Variants in PALLD observed in about 807,000 individuals in gnomAD.
PALLD encodes the protein palladin.
PALLD carries 61 observed loss-of-function variants against 123.5 expected under a neutral mutation model. The observed-to-expected ratio is 0.49, with a 90% CI of 0.40 to 0.61. The LOEUF (loss-of-function observed/expected upper bound fraction) is 0.61. PALLD is among the 20% of genes least tolerant of loss of function. PALLD has a pLI of 0.00. For missense variants in PALLD, 1,273 were observed against 1,377.0 expected (o/e 0.92, Z 1.20); for synonymous variants, 465 against 496.4 (o/e 0.94, Z 0.84).
At chr4:168,684,015 C>T (rs1259764094) in intron 5 of PALLD, among the ~76,000 whole-genome samples, 2 of 152,142 alleles carry the variant, frequency 1.3e-5, no homozygotes. Context: ...TTCCTTTAAA[C>T]CCCTTAATCA....
chr4:168,572,104 A>G (rs1769053276), intron 2 of PALLD, among the ~76,000 whole-genome samples: 1 of 152,070 alleles, frequency 6.6e-6, no homozygotes, highest in African/African-American at 2.4e-5. Flanking sequence ...TTAGTAAGAA[A>G]TCGACTTCCT....
intron 2 of PALLD, among the ~76,000 whole-genome samples, chr4:168,571,850 C>T (rs1769020633): frequency 1.3e-5 from 2 of 152,214 alleles, no homozygotes; most frequent in South Asian, 2.1e-4. Context: ...TCTATTGCCT[C>T]GAGACTACTG....
chr4:168,554,890 CTATTTA>C (rs958811070), intron 2 of PALLD, among the ~76,000 whole-genome samples: 51 of 152,130 alleles, frequency 3.4e-4, no homozygotes, highest in Non-Finnish European at 4.7e-4. Context: ...CATGTTTATA[CTATTTA>C]TATTTATACT....
At chr4:168,601,351 C>CATTA (rs1772628158) in intron 2 of PALLD, among the ~76,000 whole-genome samples, 1 of 152,076 alleles carries the variant, frequency 6.6e-6, no homozygotes, top group African/African-American at 2.4e-5. Context: ...GACCTCAAGG[C>CATTA]ATTAGCTCAA....
chr4:168,637,227 G>A (rs889560641), intron 2 of PALLD, among the ~76,000 whole-genome samples: 1 of 151,964 alleles, frequency 6.6e-6, no homozygotes, highest in African/African-American at 2.4e-5. Context: ...TGGCAGAATG[G>A]GAGTGAAAGG....
intron 10 of PALLD, chr4:168,877,712 T>C: frequency 8.9e-7 from 1 of 1,126,428 alleles, no homozygotes; most frequent in African/African-American, 1.6e-5. Context: ...CACTTCTCTT[T>C]TTCCCCCCAG....
chr4:168,607,983 G>T (rs1773352254), intron 2 of PALLD, among the ~76,000 whole-genome samples: 2 of 152,124 alleles, frequency 1.3e-5, no homozygotes, highest in Admixed American at 1.3e-4. Flanking sequence ...CAAGGGGCTG[G>T]AAATATGGCT....
At chr4:168,625,541 GAT>G (rs56680673) in intron 2 of PALLD, among the ~76,000 whole-genome samples, 2 of 67,924 alleles carry the variant, frequency 2.9e-5, no homozygotes, top group Admixed American at 1.9e-4. Flanking sequence ...TAATATTCAG[GAT>G]ATATATATAT....
At chr4:168,883,192 T>G (rs111702046) in intron 10 of PALLD, among the ~76,000 whole-genome samples, 1,913 of 152,304 alleles carry the variant, frequency 0.013, 53 homozygotes, top group African/African-American at 0.044. Context: ...AGTTATCTAT[T>G]TTCCTTTAAA....
chr4:168,498,497 A>C (rs4161), intron 1 of PALLD, among the ~76,000 whole-genome samples: 113,558 of 152,090 alleles, frequency 0.75, 42,765 homozygotes, highest in African/African-American at 0.83. Context: ...AAAAATAAAT[A>C]TGACAAGTTC....
intron 10 of PALLD, among the ~76,000 whole-genome samples, chr4:168,712,660 A>C (rs1311106862): frequency 2.0e-5 from 3 of 152,200 alleles, no homozygotes; most frequent in African/African-American, 7.2e-5. Context: ...CCATAGCGCA[A>C]GAGACCCTGA....
intron 2 of PALLD, among the ~76,000 whole-genome samples, chr4:168,644,673 T>A (rs1239355835): frequency 6.6e-6 from 1 of 152,208 alleles, no homozygotes; most frequent in East Asian, 1.9e-4. Flanking sequence ...GTGGTTCTCA[T>A]CCTGGACACC....
chr4:168,516,355 T>G (rs560828927), intron 2 of PALLD, among the ~76,000 whole-genome samples: 1 of 152,296 alleles, frequency 6.6e-6, no homozygotes, highest in South Asian at 2.1e-4. Context: ...TCACCTTCCC[T>G]GTTCTCTCCA....
chr4:168,730,687 T>G (rs1787080134), intron 10 of PALLD, among the ~76,000 whole-genome samples: 1 of 152,080 alleles, frequency 6.6e-6, no homozygotes, highest in African/African-American at 2.4e-5. Flanking sequence ...TTAATCAGTT[T>G]CTCTAGAAAG....
rs1018313584 is a variant in PALLD, at chr4:168,722,236, A to G, written c.1964+10313A>G. 3.3e-5 allele frequency among the ~76,000 whole-genome samples: 5 copies of G among 152,058 alleles called. 1 individual carries two copies. The East Asian group carries it at 7.7e-4, about 24-fold the overall frequency. Reference sequence around the variant, plus strand: ...TTTTTTTTATTTTTTGTAGAGATGGAGTTTTGCCATTGTTGCCCAGCCAGG... The same window carrying G: ...TTTTTTTTATTTTTTGTAGAGATGGGGTTTTGCCATTGTTGCCCAGCCAGG... On this transcript the variant is annotated intron_variant, in intron 10 of 21. Transcript: ENST00000505667.
At chr4:168,778,636 C>G (rs1462605378) in intron 10 of PALLD, among the ~76,000 whole-genome samples, 3 of 152,100 alleles carry the variant, frequency 2.0e-5, no homozygotes, top group Non-Finnish European at 4.4e-5. Context: ...TGATTATGTA[C>G]CAAGCACCGT....
intron 2 of PALLD, among the ~76,000 whole-genome samples, chr4:168,651,477 C>T (rs938890215): frequency 6.6e-6 from 1 of 152,118 alleles, no homozygotes; most frequent in African/African-American, 2.4e-5. Context: ...GTAACACTTA[C>T]ACCCTAGAAG....
chr4:168,552,868 G>T (rs143891569), intron 2 of PALLD, among the ~76,000 whole-genome samples: 2,224 of 152,062 alleles, frequency 0.015, 128 homozygotes, highest in East Asian at 0.13. Flanking sequence ...TAGAGACAGG[G>T]TTTCACCATA....
At chr4:168,758,232 C>G (rs1005027167) in intron 10 of PALLD, among the ~76,000 whole-genome samples, 1 of 152,014 alleles carries the variant, frequency 6.6e-6, no homozygotes, top group East Asian at 1.9e-4. Flanking sequence ...CTCATCTTTT[C>G]AAGCTCAAGA....
Sources: allele counts gnomAD v4.1 joint callset (sites outside exome capture counted in the v4.1 genomes callset), GRCh38; gene constraint gnomAD v4.1.1; transcripts MANE v1.5; gene names NCBI Gene and HGNC (gene_info 2026-07-23, HGNC 2026-07-21).